Variants in TMEM132C observed in about 807,000 individuals in gnomAD.
TMEM132C encodes protein phosphatase 1, regulatory subunit 152.
TMEM132C carries 29 observed loss-of-function variants against 61.4 expected under a neutral mutation model. The observed-to-expected ratio is 0.47, with a 90% CI of 0.35 to 0.64. TMEM132C has a LOEUF of 0.64. TMEM132C is among the 30% of genes least tolerant of loss of function. The probability of loss-of-function intolerance (pLI) is 0.00; values close to 1 mark genes in which losing one functional copy is unlikely to be tolerated. For missense variants in TMEM132C, 1,408 were observed against 1,476.9 expected (o/e 0.95, Z 0.76); for synonymous variants, 656 against 633.1 (o/e 1.04, Z -0.54).
chr12:128,515,561 C>T (rs1872689581), intron 2 of TMEM132C, among the ~76,000 whole-genome samples: 1 of 152,212 alleles, frequency 6.6e-6, no homozygotes, highest in African/African-American at 2.4e-5. Flanking sequence ...TGGCTCGGCA[C>T]AGTGGCTCAC....
intron 2 of TMEM132C, among the ~76,000 whole-genome samples, chr12:128,482,592 A>G (rs1871348408): frequency 6.6e-6 from 1 of 152,030 alleles, no homozygotes; most frequent in Non-Finnish European, 1.5e-5. Context: ...TCGACTGTGA[A>G]TTCATCTGGT....
At chr12:128,675,402 G>A (rs990794571) in intron 5 of TMEM132C, among the ~76,000 whole-genome samples, 5 of 152,220 alleles carry the variant, frequency 3.3e-5, no homozygotes, top group African/African-American at 1.2e-4. Flanking sequence ...CTTGTACATG[G>A]CAGAGAAGGG....
At chr12:128,652,629 A>AGGACAG (rs2135612050) in intron 4 of TMEM132C, among the ~76,000 whole-genome samples, 1 of 152,380 alleles carries the variant, frequency 6.6e-6, no homozygotes, top group East Asian at 1.9e-4. Flanking sequence ...AAACGGGCCC[A>AGGACAG]GGACAGGAGG....
intron 1 of TMEM132C, among the ~76,000 whole-genome samples, chr12:128,304,014 C>T (rs1871678902): frequency 6.6e-6 from 1 of 151,898 alleles, no homozygotes; most frequent in Non-Finnish European, 1.5e-5. Context: ...TGTGTGATCC[C>T]AGCAGAACCC....
rs535585443 is a variant in TMEM132C at position 128,690,239 on chromosome 12, A to G, written c.1450-3590A>G. 3.9e-5 allele frequency among the ~76,000 whole-genome samples: 6 copies of G among 152,334 alleles called. No individual in the cohort carries two copies. The South Asian group carries it at 6.2e-4, about 16-fold the overall frequency. On this transcript the variant is annotated intron_variant, in intron 5 of 8. Coordinates refer to ENST00000435159, the MANE Select transcript of TMEM132C (RefSeq NM_001136103.3). ...TGGAGTTCAGTGGGCAGTTTTCTCA[A>G]TGGGCAGCTCATCCACAATGAAAGA...
intron 1 of TMEM132C, among the ~76,000 whole-genome samples, chr12:128,378,425 T>TG (rs1161923532): frequency 6.7e-5 from 1 of 14,972 alleles, no homozygotes; most frequent in Non-Finnish European, 9.5e-4. Flanking sequence ...CAAGAGCAGA[T>TG]TTTTTTAAAA....
intron 2 of TMEM132C, among the ~76,000 whole-genome samples, chr12:128,509,194 C>T (rs1872490451): frequency 6.6e-6 from 1 of 152,154 alleles, no homozygotes; most frequent in Non-Finnish European, 1.5e-5. Flanking sequence ...TTTACCAAGG[C>T]TGAGGATGTA....
intron 1 of TMEM132C, among the ~76,000 whole-genome samples, chr12:128,386,954 C>G (rs1290541423): frequency 6.6e-6 from 1 of 151,842 alleles, no homozygotes; most frequent in Non-Finnish European, 1.5e-5. Flanking sequence ...CGTAGTGAGA[C>G]CCACATCTCT....
intron 4 of TMEM132C, among the ~76,000 whole-genome samples, chr12:128,646,154 AC>A (rs1428161771): frequency 6.6e-6 from 1 of 151,564 alleles, no homozygotes; most frequent in Non-Finnish European, 1.5e-5. Context: ...GAGTGTGTTT[AC>A]TGGAGTCCAT....
At chr12:128,571,630 T>A (rs1181453623) in intron 3 of TMEM132C, among the ~76,000 whole-genome samples, 1 of 152,304 alleles carries the variant, frequency 6.6e-6, no homozygotes, top group African/African-American at 2.4e-5. Context: ...AAGCACCTCG[T>A]GTAAGAGGAA....
At chr12:128,699,028 T>C (rs77780671) in intron 8 of TMEM132C, among the ~76,000 whole-genome samples, 2,394 of 152,134 alleles carry the variant, frequency 0.016, 36 homozygotes, top group South Asian at 0.039. Flanking sequence ...CTAGGGGGGA[T>C]TGGAACGTTC....
intron 1 of TMEM132C, among the ~76,000 whole-genome samples, chr12:128,405,952 G>C (rs1875330089): frequency 6.6e-6 from 1 of 152,174 alleles, no homozygotes; most frequent in Non-Finnish European, 1.5e-5. Flanking sequence ...ATTTTACTGG[G>C]GAAAGGAATG....
chr12:128,463,778 T>C (rs1250408477), intron 2 of TMEM132C, among the ~76,000 whole-genome samples: 1 of 152,016 alleles, frequency 6.6e-6, no homozygotes, highest in East Asian at 1.9e-4. Flanking sequence ...CTGTGCCCCA[T>C]TTGTGTGCCT....
At chr12:128,452,338 G>A (rs538675936) in intron 2 of TMEM132C, among the ~76,000 whole-genome samples, 33 of 151,860 alleles carry the variant, frequency 2.2e-4, no homozygotes, top group Admixed American at 7.2e-4. Context: ...GGACTCAAGC[G>A]ATTCTCCCAC....
chr12:128,688,369 T>C (rs1184723347), intron 5 of TMEM132C, among the ~76,000 whole-genome samples: 1 of 152,010 alleles, frequency 6.6e-6, no homozygotes, highest in Non-Finnish European at 1.5e-5. Context: ...GGTTTTCTCA[T>C]CTAAAAAATA....
intron 5 of TMEM132C, among the ~76,000 whole-genome samples, chr12:128,671,184 G>T (rs1231621013): frequency 6.6e-6 from 1 of 152,140 alleles, no homozygotes; most frequent in African/African-American, 2.4e-5. Flanking sequence ...TACCACAGGA[G>T]AATTGAGTAG....
chr12:128,706,061 C>T lies in TMEM132C; in HGVS notation c.3093C>T (p.Ser1031=), dbSNP rs759602196. ...GCCAGATTCACAGGTCAGCCGACTCCGGGGGGCGGCAGGGCAGAGAACAGA... is the reference window on the plus strand; with the variant it reads ...GCCAGATTCACAGGTCAGCCGACTCTGGGGGGCGGCAGGGCAGAGAACAGA... ...VQSQIHRSAD[S]GGRQGREQKQ... Residue 1031 remains serine, a synonymous_variant, in exon 9 of 9, where the codon TCC becomes TCT. Transcript: ENST00000435159. 18 of 1,551,562 alleles carry T rather than the reference C, an allele frequency of 1.2e-5. No homozygotes were observed. The highest frequency in any genetic ancestry group is 5.5e-5 in the African/African-American group (4 of 73,046).
chr12:128,506,511 G>T (rs992248338), intron 2 of TMEM132C, among the ~76,000 whole-genome samples: 1 of 152,190 alleles, frequency 6.6e-6, no homozygotes, highest in African/African-American at 2.4e-5. Context: ...GGGGGCTCTG[G>T]TGGGAGCTAT....
chr12:128,306,659 C>T (rs1358797065), intron 1 of TMEM132C, among the ~76,000 whole-genome samples: 1 of 152,100 alleles, frequency 6.6e-6, no homozygotes, highest in East Asian at 1.9e-4. Flanking sequence ...TTTTTAGTGT[C>T]CTGTTTTTTG....
Sources: gnomAD v4.1 joint callset for allele counts (sites outside exome capture counted in the v4.1 genomes callset) on GRCh38, gnomAD v4.1.1 for gene constraint, MANE v1.5 for transcripts, NCBI Gene and HGNC (gene_info 2026-07-23, HGNC 2026-07-21) for gene names.